The following GFRA1 variants were observed in gnomAD, a reference collection of about 807,000 sequenced individuals.
The protein encoded by GFRA1 is GDNF family receptor alpha 1.
Under a neutral mutation model 51.6 loss-of-function variants are expected in GFRA1, and 16 were observed. The observed-to-expected ratio is 0.31, with a 90% CI of 0.21 to 0.47. The LOEUF (loss-of-function observed/expected upper bound fraction) is 0.47. GFRA1 is among the 20% of genes least tolerant of loss of function. GFRA1 has a pLI of 1.00. For synonymous variants in GFRA1, 270 were observed against 241.3 expected (o/e 1.12, Z -1.10); for missense variants, 530 against 594.3 (o/e 0.89, Z 1.13).
intron 5 of GFRA1, among the ~76,000 whole-genome samples, chr10:116,136,702 C>A (rs1201739578): frequency 1.3e-5 from 2 of 152,168 alleles, no homozygotes; most frequent in Non-Finnish European, 2.9e-5. Flanking sequence ...CCCAAAGAGG[C>A]TGCCAGTGCT....
chr10:116,212,841 G>A (rs1965305619), intron 4 of GFRA1, among the ~76,000 whole-genome samples: 2 of 152,168 alleles, frequency 1.3e-5, no homozygotes, highest in South Asian at 2.1e-4. Context: ...GAATTGTGAT[G>A]AACATTTTCA....
chr10:116,142,277 G>C (rs1958604951), intron 5 of GFRA1, among the ~76,000 whole-genome samples: 1 of 152,190 alleles, frequency 6.6e-6, no homozygotes, highest in Non-Finnish European at 1.5e-5. Flanking sequence ...TTTGCCTGCA[G>C]TCCTTGAAAG....
chr10:116,165,726 AAGAG>A (rs558182602), intron 5 of GFRA1, among the ~76,000 whole-genome samples: 1 of 151,822 alleles, frequency 6.6e-6, no homozygotes, highest in Non-Finnish European at 1.5e-5. Context: ...TCATGAGGGA[AAGAG>A]AGAGACAGAG....
intron 9 of GFRA1, among the ~76,000 whole-genome samples, chr10:116,077,357 T>C (rs985906742): frequency 6.6e-6 from 1 of 152,218 alleles, no homozygotes. Flanking sequence ...ATGACCTGCC[T>C]TTGTTGAAAA....
intron 5 of GFRA1, among the ~76,000 whole-genome samples, chr10:116,156,316 A>C (rs1959197464): frequency 6.6e-6 from 1 of 152,242 alleles, no homozygotes; most frequent in Admixed American, 6.5e-5. Flanking sequence ...TTTCAAACGA[A>C]GTTATGGGTT....
At chr10:116,087,150 C>CG (rs1252761567) in intron 9 of GFRA1, among the ~76,000 whole-genome samples, 1 of 152,130 alleles carries the variant, frequency 6.6e-6, no homozygotes, top group Non-Finnish European at 1.5e-5. Context: ...CTGATGTTGC[C>CG]GGGACAACCC....
chr10:116,208,374 A>G (rs1189374113), intron 5 of GFRA1, among the ~76,000 whole-genome samples: 1 of 152,192 alleles, frequency 6.6e-6, no homozygotes, highest in Non-Finnish European at 1.5e-5. Context: ...CCACGAAAAC[A>G]GGACCCTTTG....
At chr10:116,190,324 T>C (rs1246003331) in intron 5 of GFRA1, among the ~76,000 whole-genome samples, 7 of 152,208 alleles carry the variant, frequency 4.6e-5, no homozygotes, top group Non-Finnish European at 8.8e-5. Context: ...AGTCACCAGA[T>C]GGCTCCTCTC....
chr10:116,075,598 A>G (rs1298413556), intron 9 of GFRA1, among the ~76,000 whole-genome samples: 3 of 152,180 alleles, frequency 2.0e-5, no homozygotes, highest in Non-Finnish European at 4.4e-5. Flanking sequence ...TATTGTATCA[A>G]GAGGCCTGGC....
intron 5 of GFRA1, among the ~76,000 whole-genome samples, chr10:116,141,882 C>A (rs11197547): frequency 6.6e-6 from 1 of 151,918 alleles, no homozygotes; most frequent in Non-Finnish European, 1.5e-5. Flanking sequence ...CCATACCCGA[C>A]CTCTTTTTTT....
chr10:116,213,852 T>C (rs1965376544), intron 4 of GFRA1, among the ~76,000 whole-genome samples: 1 of 152,168 alleles, frequency 6.6e-6, no homozygotes, highest in Admixed American at 6.5e-5. Context: ...GTAAAACAGA[T>C]TGCAGGCTCA....
intron 8 of GFRA1, among the ~76,000 whole-genome samples, chr10:116,090,358 A>C: frequency 6.6e-6 from 1 of 151,646 alleles, no homozygotes; most frequent in Non-Finnish European, 1.5e-5. Context: ...TTTTAAAAAA[A>C]ATCCTAATCA....
At chr10:116,108,798 G>A (rs1957093516) in intron 6 of GFRA1, among the ~76,000 whole-genome samples, 1 of 152,154 alleles carries the variant, frequency 6.6e-6, no homozygotes, top group Admixed American at 6.5e-5. Context: ...ATATCTTCAC[G>A]TTGCTGATGG....
chr10:116,258,853 A>G (rs551426208), intron 4 of GFRA1, among the ~76,000 whole-genome samples: 2 of 152,314 alleles, frequency 1.3e-5, no homozygotes, highest in East Asian at 3.9e-4. Flanking sequence ...TGCTGTAATT[A>G]TTATTTTTAC....
chr10:116,186,969 C>T (rs1019742690), intron 5 of GFRA1, among the ~76,000 whole-genome samples: 5 of 152,146 alleles, frequency 3.3e-5, no homozygotes, highest in African/African-American at 9.7e-5. Context: ...CACAGGGTCA[C>T]GTCTCGGTCC....
chr10:116,127,790 G>T (rs1957938055), intron 5 of GFRA1, among the ~76,000 whole-genome samples: 1 of 152,214 alleles, frequency 6.6e-6, no homozygotes, highest in Non-Finnish European at 1.5e-5. Flanking sequence ...GCCCAGGGCA[G>T]TGATTTATAT....
At chr10:116,220,792 T>G (rs1306102462) in intron 4 of GFRA1, among the ~76,000 whole-genome samples, 1 of 152,226 alleles carries the variant, frequency 6.6e-6, no homozygotes, top group Admixed American at 6.5e-5. Flanking sequence ...TTAAGCACTT[T>G]GGGTTTCAAA....
chr10:116,125,265 G>C lies in GFRA1; in HGVS notation c.726C>G (p.Asn242Lys), dbSNP rs1412839832. 2 of 1,614,214 alleles carry C rather than the reference G, an allele frequency of 1.2e-6. No homozygotes were observed. The highest frequency in any genetic ancestry group is 1.7e-6 in the Non-Finnish European group (2 of 1,180,044). The change falls in exon 6 of 11, where the codon AAC becomes AAG. Residue 242 changes from asparagine (N) to lysine (K), a missense_variant. Asn to Lys is a moderately conservative substitution (Grantham distance 94). Coordinates refer to ENST00000355422, the MANE Select transcript of GFRA1 (RefSeq NM_005264.8). Reference protein sequence around the residue: ...VCSYEEREKPNCLNLQDSCKT... With the variant: ...VCSYEEREKPKCLNLQDSCKT... ...TGCAGGAGTCCTGCAAATTCAAACA[G>C]TTGGGCTTCTCCCTCTCTTCATAGG... is the stretch of plus-strand genomic sequence containing the variant.
Position 116,195,620 on chromosome 10 carries a change from C to CCTG in GFRA1, c.433+16008_433+16010dup, listed in dbSNP as rs1388749914. ...ATGCTCTTTTGCCGGTCACTCACCT[C>CCTG]CTGCTGCGCAGCCTGGTTTCTAACA... On this transcript the variant is annotated intron_variant, in intron 5 of 10. Transcript: ENST00000355422. Among the ~76,000 whole-genome samples, 14 of 152,318 alleles carry CCTG rather than the reference C, an allele frequency of 9.2e-5. No individual in the cohort carries two copies. The East Asian group carries it at 2.7e-3, about 29-fold the overall frequency.
Sources: gnomAD v4.1 joint callset for allele counts (sites outside exome capture counted in the v4.1 genomes callset) on GRCh38, gnomAD v4.1.1 for gene constraint, MANE v1.5 for transcripts, NCBI Gene and HGNC (gene_info 2026-07-23, HGNC 2026-07-21) for gene names.